The following DSCAM variants were observed in gnomAD, a reference collection of about 807,000 sequenced individuals.
DSCAM encodes DS cell adhesion molecule.
In DSCAM, 47 loss-of-function variants were observed where a neutral mutation model predicts 217.7. The ratio of observed to expected loss-of-function variants is 0.22; its 90% CI spans 0.17 to 0.28. The LOEUF is 0.28. DSCAM is among the 10% of genes least tolerant of loss of function. DSCAM has a pLI of 1.00. For synonymous variants in DSCAM, 1,056 were observed against 1,015.3 expected, an observed-to-expected ratio of 1.04 and a Z score of -0.76; for missense variants, 2,080 against 2,618.3, an observed-to-expected ratio of 0.79 and a Z score of 4.49.
At chr21:40,582,523 T>C (rs1353732655) in intron 3 of DSCAM, among the ~76,000 whole-genome samples, 3 of 152,280 alleles carry the variant, frequency 2.0e-5, no homozygotes, top group South Asian at 2.1e-4. Context: ...GTAGTAAACA[T>C]AGCTTTTGTA....
In DSCAM at chr21:40,329,644, ATAAATAAATAAAT is replaced by A. The variant is rs1569066494; in HGVS notation, c.1783+8444_1783+8456del. On this transcript the variant is annotated intron_variant, in intron 8 of 32. Transcript: ENST00000400454. ...AATAAATAAATAAATAAATAAATAA[ATAAATAAATAAAT>A]AATAAAAATAAAAAATAAAATAAGG... is the stretch of plus-strand genomic sequence containing the variant. Among the ~76,000 whole-genome samples the A allele has an allele frequency of 2.7e-5, 4 of 146,946 alleles. No homozygotes were observed. The East Asian group carries it at 9.2e-4, about 34-fold the overall frequency.
At chr21:40,134,817 A>C (rs553293204) in intron 18 of DSCAM, among the ~76,000 whole-genome samples, 1 of 152,326 alleles carries the variant, frequency 6.6e-6, no homozygotes, top group East Asian at 1.9e-4. Flanking sequence ...TAACATATTT[A>C]AATAAGAAAA....
intron 3 of DSCAM, among the ~76,000 whole-genome samples, chr21:40,686,630 TA>T (rs1479471236): frequency 6.6e-6 from 1 of 152,234 alleles, no homozygotes; most frequent in East Asian, 1.9e-4. Context: ...TGTTGGGTTG[TA>T]CTCCACAATA....
At chr21:40,502,275 T>C (rs911629849) in intron 3 of DSCAM, among the ~76,000 whole-genome samples, 4 of 152,208 alleles carry the variant, frequency 2.6e-5, no homozygotes, top group African/African-American at 9.7e-5. Context: ...AAATTTGCTA[T>C]GGACACAAAT....
At chr21:40,473,711 A>G (rs560990998) in intron 3 of DSCAM, among the ~76,000 whole-genome samples, 77 of 152,256 alleles carry the variant, frequency 5.1e-4, no homozygotes, top group African/African-American at 1.9e-3. Flanking sequence ...AGGGCCTACA[A>G]AGGGGTGATT....
chr21:40,547,873 G>A (rs903604453), intron 3 of DSCAM, among the ~76,000 whole-genome samples: 1 of 152,184 alleles, frequency 6.6e-6, no homozygotes, highest in Non-Finnish European at 1.5e-5. Flanking sequence ...GGAGCAAGAC[G>A]AAGGCAGGCA....
At chr21:40,432,410 C>A (rs903684070) in intron 3 of DSCAM, among the ~76,000 whole-genome samples, 1 of 152,060 alleles carries the variant, frequency 6.6e-6, no homozygotes, top group African/African-American at 2.4e-5. Flanking sequence ...CACACCACCA[C>A]CTCCCACTTC....
rs145365564 is a variant in DSCAM at position 40,547,823 on chromosome 21, G to A, written c.508+144987C>T. ...AGCAAACTCAGAACGTCTCTGCCAC[G>A]TTCCCTGGAACAATGGAATGTCCTT... On this transcript the variant is annotated intron_variant, in intron 3 of 32. Coordinates refer to ENST00000400454, the MANE Select transcript of DSCAM (RefSeq NM_001389.5). 9.0e-3 allele frequency among the ~76,000 whole-genome samples: 1,364 copies of A among 152,238 alleles called. 29 individuals are homozygous for A. The highest frequency in any genetic ancestry group is 0.031 in the African/African-American group (1,298 of 41,534).
At chr21:40,100,831 G>C (rs963043593) in intron 20 of DSCAM, among the ~76,000 whole-genome samples, 3 of 152,070 alleles carry the variant, frequency 2.0e-5, no homozygotes, top group Admixed American at 1.3e-4. Context: ...ATTTTCTTCA[G>C]GTAGACTTTG....
At position 40,400,541 on chromosome 21, in the gene DSCAM, C is replaced by G. The variant is rs552474307; in HGVS notation, c.509-31296G>C. On this transcript the variant is annotated intron_variant, in intron 3 of 32. Coordinates refer to ENST00000400454, the MANE Select transcript of DSCAM (RefSeq NM_001389.5). Reference sequence around the variant, plus strand: ...TTCTTTTTAGACAGGGTCTGGGTTTCTTGCCTAGGCTGGAAGGCAGTGGCA... The same window carrying G: ...TTCTTTTTAGACAGGGTCTGGGTTTGTTGCCTAGGCTGGAAGGCAGTGGCA... Among the ~76,000 whole-genome samples the G allele has an allele frequency of 7.2e-5, 11 of 152,066 alleles. 1 individual carries two copies. The highest frequency in any genetic ancestry group is 2.4e-4 in the African/African-American group (10 of 41,526).
intron 32 of DSCAM, among the ~76,000 whole-genome samples, chr21:40,040,089 C>T (rs572836431): frequency 1.1e-3 from 162 of 152,156 alleles, no homozygotes; most frequent in Non-Finnish European, 1.9e-3. Context: ...TATAAAGGAG[C>T]GACGGAAAGG....
At chr21:40,040,486 G>A (rs985244855) in intron 32 of DSCAM, among the ~76,000 whole-genome samples, 5 of 152,238 alleles carry the variant, frequency 3.3e-5, no homozygotes, top group East Asian at 1.9e-4. Flanking sequence ...GGAAAATGAC[G>A]GCATGCTATC....
intron 1 of DSCAM, among the ~76,000 whole-genome samples, chr21:40,715,616 C>T (rs1428965973): frequency 3.9e-5 from 6 of 152,146 alleles, no homozygotes; most frequent in African/African-American, 1.4e-4. Flanking sequence ...ACTAAGAAAT[C>T]GGTTCAGATC....
intron 1 of DSCAM, among the ~76,000 whole-genome samples, chr21:40,710,734 A>T (rs2090771092): frequency 6.6e-6 from 1 of 152,214 alleles, no homozygotes; most frequent in Admixed American, 6.5e-5. Context: ...CAAGTTAAAT[A>T]AAAGATTTAT....
intron 20 of DSCAM, among the ~76,000 whole-genome samples, chr21:40,116,696 T>TAAA (rs566636841): frequency 1.5e-4 from 21 of 142,968 alleles, no homozygotes; most frequent in East Asian, 4.0e-4. Flanking sequence ...TTTCCATTAT[T>TAAA]AAAAAAAAAA....
intron 3 of DSCAM, among the ~76,000 whole-genome samples, chr21:40,452,785 A>G (rs926824217): frequency 4.6e-5 from 7 of 152,088 alleles, no homozygotes; most frequent in Non-Finnish European, 1.0e-4. Flanking sequence ...AGCCTTGGTA[A>G]TAGCTGCAAA....
intron 20 of DSCAM, among the ~76,000 whole-genome samples, chr21:40,100,285 T>A (rs2089733923): frequency 1.3e-5 from 2 of 152,214 alleles, no homozygotes; most frequent in African/African-American, 4.8e-5. Flanking sequence ...CTCAGTGTAG[T>A]GGAGCCAATC....
intron 20 of DSCAM, among the ~76,000 whole-genome samples, chr21:40,109,017 T>C (rs368234015): frequency 6.6e-6 from 1 of 152,148 alleles, no homozygotes; most frequent in African/African-American, 2.4e-5. Flanking sequence ...GATTAAAAAA[T>C]GTAAATGTAA....
chr21:40,589,172 C>T (rs73902691), intron 3 of DSCAM, among the ~76,000 whole-genome samples: 2,384 of 152,306 alleles, frequency 0.016, 52 homozygotes, highest in African/African-American at 0.055. Flanking sequence ...GAAACAGCAA[C>T]CCACCCTGCA....
Sources: allele counts gnomAD v4.1 joint callset (sites outside exome capture counted in the v4.1 genomes callset), GRCh38; gene constraint gnomAD v4.1.1; transcripts MANE v1.5; gene names NCBI Gene and HGNC (gene_info 2026-07-23, HGNC 2026-07-21).